The following ODR4 variants were observed in gnomAD, a reference collection of about 807,000 sequenced individuals.
The protein encoded by ODR4 is protein odr-4 homolog.
Under a neutral mutation model 60.2 loss-of-function variants are expected in ODR4, and 47 were observed. That is an observed-to-expected ratio of 0.78 (90% CI 0.62 to 1.00). ODR4 has a LOEUF of 1.00. Ranked by LOEUF, ODR4 falls within the 50% of genes least tolerant of loss-of-function variation. ODR4 has a pLI of 0.00. For missense variants in ODR4, 488 were observed against 530.8 expected (o/e 0.92, Z 0.79); for synonymous variants, 178 against 175.5 (o/e 1.01, Z -0.11).
At chr1:186,408,034 T>G (rs1661233924) in intron 12 of ODR4, among the ~76,000 whole-genome samples, 1 of 152,148 alleles carries the variant, frequency 6.6e-6, no homozygotes, top group South Asian at 2.1e-4. Flanking sequence ...CTAAAAATAA[T>G]ATAGCCATTA....
intron 11 of ODR4, chr1:186,401,238 T>C (rs1660933714): frequency 3.5e-6 from 5 of 1,413,546 alleles, no homozygotes; most frequent in Admixed American, 4.1e-5. Context: ...GTTGTACTGT[T>C]TGTATGTTAA....
intron 11 of ODR4, among the ~76,000 whole-genome samples, chr1:186,401,975 T>C (rs748776846): frequency 6.6e-6 from 1 of 152,098 alleles, no homozygotes; most frequent in Non-Finnish European, 1.5e-5. Flanking sequence ...AACCATCCAG[T>C]CTTGGAGTTT....
chr1:186,427,121 T>C, the ODR4 span, among the ~76,000 whole-genome samples: 1 of 152,170 alleles, frequency 6.6e-6, no homozygotes, highest in South Asian at 2.1e-4. Flanking sequence ...AGGGTGGTGG[T>C]TGCTGAAGGT....
At chr1:186,413,285 A>G (rs910072221) in intron 12 of ODR4, among the ~76,000 whole-genome samples, 13 of 149,884 alleles carry the variant, frequency 8.7e-5, no homozygotes, top group Non-Finnish European at 1.3e-4. Context: ...CCAAAATTTG[A>G]AAAAAAAAAT....
intron 12 of ODR4, among the ~76,000 whole-genome samples, chr1:186,409,886 T>C (rs1161565067): frequency 2.0e-5 from 3 of 152,010 alleles, no homozygotes; most frequent in Non-Finnish European, 4.4e-5. Flanking sequence ...TACTATGTTT[T>C]TACTAACTTC....
At chr1:186,386,521 A>C (rs940038631) in intron 4 of ODR4, among the ~76,000 whole-genome samples, 2 of 152,130 alleles carry the variant, frequency 1.3e-5, no homozygotes, top group African/African-American at 4.8e-5. Flanking sequence ...TCAAATGATT[A>C]ATTATAATAT....
intron 1 of ODR4, among the ~76,000 whole-genome samples, chr1:186,379,438 C>T (rs1346606940): frequency 3.0e-5 from 4 of 132,800 alleles, no homozygotes; most frequent in East Asian, 2.2e-4. Context: ...AGCAAAACTC[C>T]GTCTCAAAAA....
chr1:186,402,283 C>CT (rs2102064659), intron 11 of ODR4, among the ~76,000 whole-genome samples: 1 of 146,114 alleles, frequency 6.8e-6, no homozygotes, highest in African/African-American at 2.5e-5. Flanking sequence ...TCCTTTCTTC[C>CT]TTTGTTTCTT....
chr1:186,400,925 G>C, intron 11 of ODR4: 1 of 889,256 alleles, frequency 1.1e-6, no homozygotes, highest in South Asian at 1.4e-5. Flanking sequence ...ATCTCAGTGT[G>C]GCTTTGTTTT....
intron 11 of ODR4, among the ~76,000 whole-genome samples, chr1:186,402,186 T>TTTTTCTTTCTTTC (rs777903676): frequency 1.1e-5 from 1 of 91,504 alleles, no homozygotes; most frequent in Non-Finnish European, 2.2e-5. Context: ...ATAGGCATCC[T>TTTTTCTTTCTTTC]ATTCTTTCTT....
At chr1:186,380,891 T>A (rs1053293416) in intron 2 of ODR4, among the ~76,000 whole-genome samples, 1 of 152,226 alleles carries the variant, frequency 6.6e-6, no homozygotes, top group African/African-American at 2.4e-5. Flanking sequence ...CATTTTAGTT[T>A]TCTACATCAT....
chr1:186,377,620 T>C (rs892074585), intron 1 of ODR4, among the ~76,000 whole-genome samples: 1 of 152,196 alleles, frequency 6.6e-6, no homozygotes, highest in African/African-American at 2.4e-5. Context: ...TAGAATTGCA[T>C]ACCTTAAGGC....
downstream of ODR4, among the ~76,000 whole-genome samples, chr1:186,421,876 A>AT (rs1661792586): frequency 6.9e-6 from 1 of 144,690 alleles, no homozygotes; most frequent in Non-Finnish European, 1.5e-5. Context: ...AAAAAAAAAA[A>AT]AAAATGATGA....
At chr1:186,415,679 C>G (rs912624632) in intron 12 of ODR4, among the ~76,000 whole-genome samples, 1 of 152,126 alleles carries the variant, frequency 6.6e-6, no homozygotes, top group African/African-American at 2.4e-5. Flanking sequence ...TCTTTGTTTT[C>G]ATAGGATTCT....
At chr1:186,422,640 A>G (rs946999793), downstream of ODR4, among the ~76,000 whole-genome samples, 1 of 152,168 alleles carries the variant, frequency 6.6e-6, no homozygotes, top group Non-Finnish European at 1.5e-5. Flanking sequence ...TTACATTTAC[A>G]TGTTTAGATC....
chr1:186,413,993 T>C (rs1004596182), intron 12 of ODR4, among the ~76,000 whole-genome samples: 31 of 152,162 alleles, frequency 2.0e-4, no homozygotes, highest in Non-Finnish European at 4.4e-5. Flanking sequence ...ATGACTTGGT[T>C]TTAAGGAATG....
chr1:186,426,405 G>A, the ODR4 span, among the ~76,000 whole-genome samples: 1 of 152,188 alleles, frequency 6.6e-6, no homozygotes, highest in African/African-American at 2.4e-5. Context: ...ATCCAAGACA[G>A]TTCATCCACA....
At chr1:186,417,027 A>T (rs560309530) in intron 12 of ODR4, among the ~76,000 whole-genome samples, 1 of 151,866 alleles carries the variant, frequency 6.6e-6, no homozygotes, top group Non-Finnish European at 1.5e-5. Flanking sequence ...CAGTGGTGCA[A>T]TCTCGGCTCA....
chr1:186,384,389 C>G lies in ODR4; in HGVS notation c.234+1233C>G, dbSNP rs574351859. On this transcript the variant is annotated intron_variant, in intron 3 of 13. Coordinates refer to ENST00000287859, the MANE Select transcript of ODR4 (RefSeq NM_017847.6). ...CCAAGCCATTAATGAGGGATCTGCC[C>G]CATGACCCAAACACCTTCCATTAGG... Among the ~76,000 whole-genome samples, 12 of 152,162 alleles carry G rather than the reference C, an allele frequency of 7.9e-5. 1 individual carries two copies. The highest frequency in any genetic ancestry group is 2.9e-4 in the African/African-American group (12 of 41,514).
Sources: allele counts gnomAD v4.1 joint callset (sites outside exome capture counted in the v4.1 genomes callset), GRCh38; gene constraint gnomAD v4.1.1; transcripts MANE v1.5; gene names NCBI Gene and HGNC (gene_info 2026-07-23, HGNC 2026-07-21).